The following COP1 variants were observed in gnomAD, a reference collection of about 807,000 sequenced individuals.
COP1 encodes the protein E3 ubiquitin-protein ligase COP1.
In COP1, 24 loss-of-function variants were observed where a neutral mutation model predicts 101.3. The ratio of observed to expected loss-of-function variants is 0.24; its 90% CI spans 0.17 to 0.33. COP1 has a LOEUF of 0.33. COP1 is among the 10% of genes least tolerant of loss of function. The pLI is 1.00. For synonymous variants in COP1, 347 were observed against 341.9 expected (o/e 1.01, Z -0.17); for missense variants, 663 against 906.2 (o/e 0.73, Z 3.45).
intron 18 of COP1, among the ~76,000 whole-genome samples, chr1:175,972,615 C>T (rs761668630): frequency 2.0e-5 from 3 of 151,902 alleles, no homozygotes; most frequent in East Asian, 1.9e-4. Context: ...CAGGCGCCCA[C>T]GGCCATGCCC....
chr1:176,085,258 A>AT (rs556535828), intron 10 of COP1, among the ~76,000 whole-genome samples: 227 of 146,852 alleles, frequency 1.5e-3, no homozygotes, highest in Middle Eastern at 6.9e-3. Flanking sequence ...TTCGGCCTGG[A>AT]TTTTTTTTTT....
At chr1:176,135,410 G>GTC (rs1488516973) in intron 7 of COP1, among the ~76,000 whole-genome samples, 1 of 152,046 alleles carries the variant, frequency 6.6e-6, no homozygotes, top group African/African-American at 2.4e-5. Flanking sequence ...ATTATACTAT[G>GTC]TGAATAGTGA....
intron 1 of COP1, among the ~76,000 whole-genome samples, chr1:176,191,590 GA>G (rs1225147765): frequency 6.7e-6 from 1 of 149,596 alleles, no homozygotes; most frequent in Non-Finnish European, 1.5e-5. Context: ...GAGTAAAAAG[GA>G]AAAAAAAATA....
chr1:176,081,435 T>C, intron 10 of COP1, 148 bp from the exon 11 acceptor site: 1 of 554,716 alleles, frequency 1.8e-6, no homozygotes. Context: ...CACAATTTAA[T>C]TGGTCAGTTT....
intron 15 of COP1, among the ~76,000 whole-genome samples, chr1:175,995,863 C>T (rs370215801): frequency 3.6e-4 from 54 of 151,954 alleles, no homozygotes; most frequent in Non-Finnish European, 1.6e-4. Flanking sequence ...TTCCAATCAA[C>T]AGAAAAAGAG....
At chr1:176,090,831 T>C (rs1357895360) in intron 9 of COP1, among the ~76,000 whole-genome samples, 3 of 152,048 alleles carry the variant, frequency 2.0e-5, no homozygotes, top group Non-Finnish European at 4.4e-5. Flanking sequence ...AGAAGAAATA[T>C]TGGAAGAGTT....
intron 3 of COP1, among the ~76,000 whole-genome samples, chr1:176,173,386 G>A (rs908135721): frequency 1.4e-5 from 2 of 142,986 alleles, no homozygotes; most frequent in Non-Finnish European, 3.0e-5. Flanking sequence ...CTGTAATCCC[G>A]ACACTTTAAG....
intron 18 of COP1, among the ~76,000 whole-genome samples, chr1:175,969,737 C>T (rs938184370): frequency 6.6e-6 from 1 of 152,234 alleles, no homozygotes; most frequent in Non-Finnish European, 1.5e-5. Flanking sequence ...TGAGAAAAAT[C>T]TTTTCTCCCT....
chr1:176,165,337 TGAGA>T (rs139490334), intron 3 of COP1, among the ~76,000 whole-genome samples: 94 of 145,056 alleles, frequency 6.5e-4, no homozygotes, highest in African/African-American at 1.2e-3. Context: ...AAAATTCAGG[TGAGA>T]GAGAGAGAGA....
At chr1:175,958,958 T>C (rs1222701216) in intron 18 of COP1, among the ~76,000 whole-genome samples, 3 of 151,944 alleles carry the variant, frequency 2.0e-5, no homozygotes, top group African/African-American at 7.2e-5. Flanking sequence ...CTTAATTTGC[T>C]TTATGAAGTT....
At chr1:176,053,033 G>A (rs904326294) in intron 11 of COP1, among the ~76,000 whole-genome samples, 1 of 151,678 alleles carries the variant, frequency 6.6e-6, no homozygotes, top group African/African-American at 2.4e-5. Flanking sequence ...TTCTATATGT[G>A]TCAATTGACA....
At chr1:176,118,134 T>C (rs1471764219) in intron 8 of COP1, among the ~76,000 whole-genome samples, 1 of 152,224 alleles carries the variant, frequency 6.6e-6, no homozygotes, top group Non-Finnish European at 1.5e-5. Context: ...AAGTGATTAA[T>C]CTTATTTGAG....
intron 10 of COP1, among the ~76,000 whole-genome samples, chr1:176,085,290 A>G (rs1460258197): frequency 6.6e-6 from 1 of 151,338 alleles, no homozygotes; most frequent in Non-Finnish European, 1.5e-5. Context: ...GTATTAGTGG[A>G]TATTATTATC....
intron 9 of COP1, among the ~76,000 whole-genome samples, chr1:176,093,730 C>T (rs1253324798): frequency 6.6e-6 from 1 of 152,096 alleles, no homozygotes; most frequent in African/African-American, 2.4e-5. Flanking sequence ...GTCCCAGCTA[C>T]TTGGGAGGCT....
intron 9 of COP1, among the ~76,000 whole-genome samples, chr1:176,115,206 T>C (rs894363468): frequency 2.6e-5 from 4 of 151,344 alleles, no homozygotes; most frequent in Non-Finnish European, 4.4e-5. Context: ...CCCAGCACTC[T>C]GGGAGGCCAA....
At chr1:175,974,247 TA>T (rs1294034890) in intron 18 of COP1, among the ~76,000 whole-genome samples, 1 of 152,176 alleles carries the variant, frequency 6.6e-6, no homozygotes, top group African/African-American at 2.4e-5. Flanking sequence ...AAAACAAGAT[TA>T]AGTTTGTGCT....
In COP1 at chr1:176,131,719, GATA is replaced by G. The variant is rs368658167; in HGVS notation, c.968+3288_968+3290del. On this transcript the variant is annotated intron_variant, in intron 8 of 19. Transcript: ENST00000367669. ...ATCAAATATGAATAGTATTATAAAA[GATA>G]ATATTTGTCTCAGAATGTCTGATTT... 6.6e-3 allele frequency among the ~76,000 whole-genome samples: 1,007 copies of G among 151,902 alleles called. 9 individuals are homozygous for G. Among genetic ancestry groups the G allele is most frequent in the African/African-American group, 0.023 (957 of 41,506 alleles).
Position 176,084,874 on chromosome 1 carries a change from GTTTAT to G in COP1, c.1141+897_1141+901del, listed in dbSNP as rs1399393116. 2.7e-4 allele frequency among the ~76,000 whole-genome samples: 41 copies of G among 151,822 alleles called. 1 individual carries two copies. The highest frequency in any genetic ancestry group is 2.1e-3 in the East Asian group (11 of 5,154). On this transcript the variant is annotated intron_variant, in intron 10 of 19. Coordinates refer to ENST00000367669, the MANE Select transcript of COP1 (RefSeq NM_022457.7). ...ACTTTTTTTTTTCCCCCTTGGTGGGGTTTATTTTAAGCAGATGCCTCATTAATGAC... is the reference window on the plus strand; with the variant it reads ...ACTTTTTTTTTTCCCCCTTGGTGGGGTTTAAGCAGATGCCTCATTAATGAC...
intron 18 of COP1, among the ~76,000 whole-genome samples, chr1:175,979,587 G>A (rs1334069829): frequency 6.6e-6 from 1 of 151,300 alleles, no homozygotes; most frequent in Non-Finnish European, 1.5e-5. Context: ...AAAATATTAA[G>A]CCAATAATAA....
Sources: gnomAD v4.1 joint callset for allele counts (sites outside exome capture counted in the v4.1 genomes callset) on GRCh38, gnomAD v4.1.1 for gene constraint, MANE v1.5 for transcripts, NCBI Gene and HGNC (gene_info 2026-07-23, HGNC 2026-07-21) for gene names.